ANXA10: variants seen among roughly 807,000 people sequenced by gnomAD.
The protein encoded by ANXA10 is annexin A10, also known as annexin 14.
ANXA10 carries 49 observed loss-of-function variants against 53.5 expected under a neutral mutation model. That is an observed-to-expected ratio of 0.92 (90% CI 0.73 to 1.16). The LOEUF (loss-of-function observed/expected upper bound fraction) is 1.16, where lower values mean the gene tolerates loss of function less well. Ranked by LOEUF, ANXA10 falls within the 50% of genes most tolerant of loss-of-function variation. The probability of loss-of-function intolerance (pLI) is 0.00; values close to 1 mark genes in which losing one functional copy is unlikely to be tolerated. For missense variants in ANXA10, 393 were observed against 394.4 expected (o/e 1.00, Z 0.03); for synonymous variants, 131 against 128.9 (o/e 1.02, Z -0.11).
At chr4:168,104,260 C>G (rs1424293205) in intron 1 of ANXA10, among the ~76,000 whole-genome samples, 1 of 151,890 alleles carries the variant, frequency 6.6e-6, no homozygotes, top group African/African-American at 2.4e-5. Context: ...CTAAGTTGTA[C>G]TACATCCTCC....
chr4:168,109,621 A>G (rs1405607916), intron 1 of ANXA10, among the ~76,000 whole-genome samples: 3 of 152,306 alleles, frequency 2.0e-5, no homozygotes, highest in Non-Finnish European at 4.4e-5. Flanking sequence ...CCATTTCCTG[A>G]ATCTGTCATT....
At chr4:168,121,539 TTTAA>T (rs1210504198) in intron 1 of ANXA10, among the ~76,000 whole-genome samples, 13 of 152,246 alleles carry the variant, frequency 8.5e-5, no homozygotes, top group South Asian at 2.1e-4. Flanking sequence ...AAGTGAATAG[TTTAA>T]TTATCATTTA....
At chr4:168,100,862 T>C (rs1448354542) in intron 1 of ANXA10, among the ~76,000 whole-genome samples, 2 of 152,128 alleles carry the variant, frequency 1.3e-5, no homozygotes, top group Non-Finnish European at 2.9e-5. Flanking sequence ...CCCTAATGTT[T>C]ACATTTTATA....
At chr4:168,116,453 A>G (rs1730895456) in intron 1 of ANXA10, among the ~76,000 whole-genome samples, 1 of 152,128 alleles carries the variant, frequency 6.6e-6, no homozygotes, top group South Asian at 2.1e-4. Flanking sequence ...ATGAGCCAGT[A>G]ATGGGCCAGT....
chr4:168,167,025 G>A (rs1053241783), intron 6 of ANXA10, among the ~76,000 whole-genome samples: 4 of 152,026 alleles, frequency 2.6e-5, no homozygotes, highest in Non-Finnish European at 5.9e-5. Flanking sequence ...AGATAAAAAC[G>A]CAAGGTAGAT....
intron 1 of ANXA10, among the ~76,000 whole-genome samples, chr4:168,100,961 T>C (rs558770608): frequency 1.5e-4 from 23 of 152,072 alleles, no homozygotes; most frequent in Admixed American, 8.5e-4. Context: ...TATACCAGTA[T>C]TTCTGCTAAT....
chr4:168,176,881 T>A (rs1732140113), intron 6 of ANXA10, among the ~76,000 whole-genome samples: 1 of 151,904 alleles, frequency 6.6e-6, no homozygotes, highest in South Asian at 2.1e-4. Context: ...ACGCCTGCAG[T>A]CCAAGCTACT....
chr4:168,126,190 C>T (rs1467209953), intron 1 of ANXA10, among the ~76,000 whole-genome samples: 1 of 152,108 alleles, frequency 6.6e-6, no homozygotes, highest in Non-Finnish European at 1.5e-5. Flanking sequence ...CTAAAACAGT[C>T]TCTGACTGTC....
intron 3 of ANXA10, among the ~76,000 whole-genome samples, chr4:168,148,033 T>C (rs1697527694): frequency 2.6e-5 from 4 of 152,148 alleles, no homozygotes; most frequent in Admixed American, 2.6e-4. Context: ...AAGTCCTCCA[T>C]CAGGTGCAAC....
intron 3 of ANXA10, among the ~76,000 whole-genome samples, chr4:168,154,343 G>A (rs1218204925): frequency 1.3e-5 from 2 of 151,874 alleles, no homozygotes; most frequent in African/African-American, 4.8e-5. Context: ...CACATATTTT[G>A]TGCACTCAGT....
At chr4:168,164,363 G>T in intron 5 of ANXA10, 75 bp downstream of exon 5, 2 of 1,094,666 alleles carry the variant, frequency 1.8e-6, no homozygotes, top group East Asian at 5.2e-5. Flanking sequence ...TCCAGTTTAT[G>T]TATTTTGAAG....
intron 6 of ANXA10, among the ~76,000 whole-genome samples, chr4:168,173,158 AAAAG>A (rs1160069634): frequency 6.6e-6 from 1 of 152,188 alleles, no homozygotes; most frequent in Non-Finnish European, 1.5e-5. Context: ...AAATATGGAT[AAAAG>A]AATGAGTTAA....
chr4:168,182,215 T>G (rs1405913497), intron 10 of ANXA10, among the ~76,000 whole-genome samples: 2 of 151,802 alleles, frequency 1.3e-5, no homozygotes, highest in African/African-American at 4.8e-5. Flanking sequence ...GTATTTAAAG[T>G]GATAACTAGA....
In ANXA10 at chr4:168,164,106, C is replaced by G. The variant is rs528296595; in HGVS notation, c.310-92C>G. The G allele has an allele frequency of 1.0e-4, 97 of 940,626 alleles. 2 individuals carry two copies. In the South Asian group the frequency reaches 1.6e-3, roughly 15 times the overall value. 58.3% of individuals were successfully genotyped at this position (940,626 alleles called of 1,614,324 possible). On this transcript the variant is annotated intron_variant, in intron 4 of 11. Transcript: ENST00000359299. ...CCTTTCCCTGCCACCTCTCAAAACA[C>G]TGGAAATGCTGTATCCCTTTCTTGT...
At chr4:168,143,888 A>G (rs1323726084) in intron 3 of ANXA10, among the ~76,000 whole-genome samples, 1 of 152,042 alleles carries the variant, frequency 6.6e-6, no homozygotes, top group South Asian at 2.1e-4. Context: ...ACTGTTCTCA[A>G]TGGAGCAAAC....
chr4:168,184,455 A>G (rs1459163329), intron 10 of ANXA10, 104 bp from the exon 11 acceptor site: 12 of 1,369,502 alleles, frequency 8.8e-6, no homozygotes, highest in Admixed American at 4.2e-5. Context: ...GGAAGAACTC[A>G]GGAAGAAGAG....
chr4:168,177,953 TGCAACAAGAGCTACCA>T lies in ANXA10; in HGVS notation c.602_617del (p.Asn201SerfsTer18). 1 of 1,613,830 alleles carries T rather than the reference TGCAACAAGAGCTACCA, an allele frequency of 6.2e-7. No individual in the cohort carries two copies. Among genetic ancestry groups the T allele is most frequent in the South Asian group, 1.1e-5 (1 of 91,058 alleles). On this transcript the variant is annotated frameshift_variant, in exon 8 of 12. Transcript: ENST00000359299. LOFTEE classifies it high-confidence loss of function. ...CAAAACCATGCTGCAAATGATCCTG[TGCAACAAGAGCTACCA>T]GCAGCTGCGGCTGGGTAATTATTAA...
intron 1 of ANXA10, among the ~76,000 whole-genome samples, chr4:168,122,061 G>T (rs888334536): frequency 7.9e-5 from 12 of 152,134 alleles, no homozygotes; most frequent in African/African-American, 2.9e-4. Flanking sequence ...CAGGCATTTC[G>T]TGAACTCCTG....
At chr4:168,115,486 A>G (rs1730877626) in intron 1 of ANXA10, among the ~76,000 whole-genome samples, 1 of 133,876 alleles carries the variant, frequency 7.5e-6, no homozygotes, top group Admixed American at 8.1e-5. Flanking sequence ...ATCCCTCCCT[A>G]CAATACACAC....
Sources: allele counts gnomAD v4.1 joint callset (sites outside exome capture counted in the v4.1 genomes callset), GRCh38; gene constraint gnomAD v4.1.1; transcripts MANE v1.5; gene names NCBI Gene and HGNC (gene_info 2026-07-23, HGNC 2026-07-21).